IL1RAPL1: variants seen among roughly 807,000 people sequenced by gnomAD.
The protein encoded by IL1RAPL1 is interleukin 1 receptor accessory protein like 1, also known as interleukin-1 receptor accessory protein-like 1.
In IL1RAPL1, 3 loss-of-function variants were observed where a neutral mutation model predicts 48.4. That is an observed-to-expected ratio of 0.06 (90% CI 0.03 to 0.16). The LOEUF (loss-of-function observed/expected upper bound fraction) is 0.16, where lower values mean the gene tolerates loss of function less well. Among genes scored for constraint, IL1RAPL1 ranks in the 10% least tolerant of loss-of-function variants. The probability of loss-of-function intolerance (pLI) is 1.00; values close to 1 mark genes in which losing one functional copy is unlikely to be tolerated. For missense variants in IL1RAPL1, 349 were observed against 530.6 expected (o/e 0.66, Z 3.36); for synonymous variants, 185 against 187.7 (o/e 0.99, Z 0.12).
chrX:29,240,216 ATATATATATTTTTTT>A (rs1449389736), intron 2 of IL1RAPL1, among the ~76,000 whole-genome samples: 79 of 27,021 alleles, frequency 2.9e-3, no homozygotes, highest in African/African-American at 0.016. Flanking sequence ...ATATATATAT[ATATATATATTTTTTT>A]TTTTTTTTTT....
At chrX:29,227,636 T>C (rs1319656762) in intron 2 of IL1RAPL1, among the ~76,000 whole-genome samples, 4 of 112,231 alleles carry the variant, frequency 3.6e-5, no homozygotes, top group Non-Finnish European at 5.6e-5. Flanking sequence ...TATCACTTTT[T>C]TGACATAAAA....
At chrX:29,504,733 T>C (rs1935310201) in intron 5 of IL1RAPL1, among the ~76,000 whole-genome samples, 1 of 112,536 alleles carries the variant, frequency 8.9e-6, no homozygotes, top group African/African-American at 3.2e-5. Context: ...TCTTTATAAA[T>C]GAAGTGGAAT....
At chrX:29,804,115 A>T (rs142701020) in intron 6 of IL1RAPL1, among the ~76,000 whole-genome samples, 3,497 of 111,665 alleles carry the variant, frequency 0.031, 126 homozygotes, top group African/African-American at 0.11. Context: ...TCAGTTTATG[A>T]AACATTTTCC....
chrX:28,853,094 A>G (rs1921706567), intron 2 of IL1RAPL1, among the ~76,000 whole-genome samples: 1 of 104,972 alleles, frequency 9.5e-6, no homozygotes, highest in Admixed American at 1.0e-4. Context: ...TGGATTTTCT[A>G]AATCCTTGAA....
intron 1 of IL1RAPL1, among the ~76,000 whole-genome samples, chrX:28,593,462 G>A (rs1417391454): frequency 9.0e-6 from 1 of 111,547 alleles, no homozygotes; most frequent in Non-Finnish European, 1.9e-5. Flanking sequence ...TATTCAAATG[G>A]TTTGTTATAG....
At chrX:29,884,559 C>G (rs761563482) in intron 6 of IL1RAPL1, among the ~76,000 whole-genome samples, 1 of 111,355 alleles carries the variant, frequency 9.0e-6, no homozygotes, top group Non-Finnish European at 1.9e-5. Context: ...TCTACTCTCC[C>G]TACTCTCATT....
chrX:29,724,399 T>G (rs1157409990), intron 6 of IL1RAPL1, among the ~76,000 whole-genome samples: 1 of 111,950 alleles, frequency 8.9e-6, no homozygotes, highest in East Asian at 2.8e-4. Flanking sequence ...TTGCAGGAGA[T>G]GAAATTGAGG....
At chrX:29,885,549 G>T (rs1932140156) in intron 6 of IL1RAPL1, among the ~76,000 whole-genome samples, 1 of 111,836 alleles carries the variant, frequency 8.9e-6, no homozygotes, top group Admixed American at 9.5e-5. Context: ...GGTGGCTCAT[G>T]CCTGTAATCC....
intron 6 of IL1RAPL1, among the ~76,000 whole-genome samples, chrX:29,872,925 A>T (rs1392945628): frequency 8.9e-6 from 1 of 112,469 alleles, no homozygotes; most frequent in African/African-American, 3.2e-5. Flanking sequence ...AATAATATGG[A>T]ACATGAGCAG....
chrX:29,604,001 G>A (rs1466657639), intron 5 of IL1RAPL1, among the ~76,000 whole-genome samples: 1 of 112,314 alleles, frequency 8.9e-6, no homozygotes, highest in Non-Finnish European at 1.9e-5. Context: ...TCTACAGTGA[G>A]TGAAATAACC....
At chrX:29,641,175 TAAACAAAC>T (rs60275629) in intron 5 of IL1RAPL1, among the ~76,000 whole-genome samples, 12,847 of 105,470 alleles carry the variant, frequency 0.12, 1,998 homozygotes, top group African/African-American at 0.44. Context: ...TGTCTCAAAA[TAAACAAAC>T]AAACAAACAA....
intron 1 of IL1RAPL1, among the ~76,000 whole-genome samples, chrX:28,623,735 T>C (rs1934308779): frequency 8.9e-6 from 1 of 111,904 alleles, no homozygotes; most frequent in African/African-American, 3.3e-5. Flanking sequence ...GAAGAGCAAT[T>C]GCAAAGTCCT....
intron 3 of IL1RAPL1, among the ~76,000 whole-genome samples, chrX:29,344,383 A>C (rs1005154160): frequency 1.8e-5 from 2 of 112,213 alleles, no homozygotes; most frequent in South Asian, 7.4e-4. Context: ...AACATGAACT[A>C]TGTTTTATGT....
intron 2 of IL1RAPL1, among the ~76,000 whole-genome samples, chrX:29,175,467 C>G (rs1357315010): frequency 9.0e-6 from 1 of 111,420 alleles, no homozygotes; most frequent in Non-Finnish European, 1.9e-5. Flanking sequence ...ATGCCACATA[C>G]TGCCCTCTGG....
At chrX:29,439,558 T>C (rs1934518742) in intron 5 of IL1RAPL1, among the ~76,000 whole-genome samples, 1 of 111,433 alleles carries the variant, frequency 9.0e-6, no homozygotes, top group African/African-American at 3.3e-5. Context: ...TGGAAGCTAT[T>C]ATTCAATTTT....
chrX:29,470,572 A>T (rs983960706), intron 5 of IL1RAPL1, among the ~76,000 whole-genome samples: 2 of 111,259 alleles, frequency 1.8e-5, no homozygotes, highest in Admixed American at 9.6e-5. Flanking sequence ...TGGAGATACA[A>T]TTCACATACC....
At chrX:28,803,598 C>A (rs1361065087) in intron 2 of IL1RAPL1, among the ~76,000 whole-genome samples, 1 of 111,801 alleles carries the variant, frequency 8.9e-6, no homozygotes, top group African/African-American at 3.2e-5. Context: ...AATACACCCC[C>A]CACACACGAA....
intron 2 of IL1RAPL1, among the ~76,000 whole-genome samples, chrX:29,263,773 C>A (rs966115211): frequency 9.1e-6 from 1 of 109,592 alleles, no homozygotes; most frequent in South Asian, 4.0e-4. Flanking sequence ...TTAAAACTAC[C>A]CTAGAATTGG....
chrX:29,790,253 A>G (rs1929600003), intron 6 of IL1RAPL1, among the ~76,000 whole-genome samples: 1 of 112,128 alleles, frequency 8.9e-6, no homozygotes, highest in African/African-American at 3.2e-5. Context: ...TGCTTAGAAA[A>G]TATTTCATCC....
Sources: gnomAD v4.1 joint callset for allele counts (sites outside exome capture counted in the v4.1 genomes callset) on GRCh38, gnomAD v4.1.1 for gene constraint, MANE v1.5 for transcripts, NCBI Gene and HGNC (gene_info 2026-07-23, HGNC 2026-07-21) for gene names.